The following PIK3CB variants were observed in gnomAD, a reference collection of about 807,000 sequenced individuals.
The protein encoded by PIK3CB is phosphatidylinositol-4,5-bisphosphate 3-kinase catalytic subunit beta.
A neutral mutation model predicts 136.8 loss-of-function variants in PIK3CB; 39 were observed. That is an observed-to-expected ratio of 0.29 (90% CI 0.22 to 0.37). The LOEUF (loss-of-function observed/expected upper bound fraction) is 0.37. Among genes scored for constraint, PIK3CB ranks in the 10% least tolerant of loss-of-function variants. The probability of loss-of-function intolerance (pLI) is 1.00; values close to 1 mark genes in which losing one functional copy is unlikely to be tolerated. For missense variants in PIK3CB, 868 were observed against 1,275.4 expected, an observed-to-expected ratio of 0.68 and a Z score of 4.87; for synonymous variants, 428 against 436.6, an observed-to-expected ratio of 0.98 and a Z score of 0.25.
chr3:138,819,951 G>A (rs1016620205), intron 1 of PIK3CB, among the ~76,000 whole-genome samples: 6 of 152,160 alleles, frequency 3.9e-5, no homozygotes, highest in African/African-American at 1.4e-4. Flanking sequence ...TCCAGCCTGA[G>A]CAACAGAGCG....
At chr3:138,745,327 AAGGCAGTCCCT>A (rs1264674838) in intron 4 of PIK3CB, among the ~76,000 whole-genome samples, 2 of 152,082 alleles carry the variant, frequency 1.3e-5, no homozygotes, top group African/African-American at 4.8e-5. Flanking sequence ...AGAACCTTAA[AAGGCAGTCCCT>A]AGGCTGGGCA....
At chr3:138,779,023 C>T in intron 2 of PIK3CB, among the ~76,000 whole-genome samples, 1 of 49,224 alleles carries the variant, frequency 2.0e-5, no homozygotes, top group East Asian at 3.1e-3. Context: ...CACCCCTCTA[C>T]TGCCAAAAAA....
intron 22 of PIK3CB, among the ~76,000 whole-genome samples, chr3:138,656,847 T>G (rs768125105): frequency 2.0e-5 from 3 of 152,146 alleles, no homozygotes; most frequent in Non-Finnish European, 4.4e-5. Flanking sequence ...CTTGGCTCAC[T>G]GCAACTTCTG....
chr3:138,704,252 A>G (rs544907888), intron 12 of PIK3CB, among the ~76,000 whole-genome samples, 191 bp downstream of exon 12: 29 of 152,362 alleles, frequency 1.9e-4, no homozygotes, highest in African/African-American at 6.7e-4. Context: ...GGGCTTGCCC[A>G]CTGAACCCAG....
intron 3 of PIK3CB, among the ~76,000 whole-genome samples, chr3:138,757,759 C>T (rs1164458004): frequency 6.6e-6 from 1 of 151,290 alleles, no homozygotes; most frequent in African/African-American, 2.4e-5. Flanking sequence ...GAGAAAATAG[C>T]ATGTGTTGGC....
chr3:138,785,455 C>A (rs1408079234), intron 2 of PIK3CB, among the ~76,000 whole-genome samples: 1 of 152,170 alleles, frequency 6.6e-6, no homozygotes, highest in Admixed American at 6.5e-5. Context: ...TAGGAGACTC[C>A]ATTTTGTTCT....
rs2108380397 is a variant in PIK3CB at position 138,655,327 on chromosome 3, G to C, written c.*62C>G. On this transcript the variant is annotated 3_prime_UTR_variant, in exon 24 of 24. Transcript: ENST00000674063. ...CTCTAACAGGGTCATGTTCAATTTA[G>C]TGCAAGTGCAAAATGAAAATGAAAT... 6.6e-7 allele frequency: 1 copy of C among 1,517,672 alleles called. No individual in the cohort carries two copies. The highest frequency in any genetic ancestry group is 9.1e-7 in the Non-Finnish European group (1 of 1,096,298). The allele number at this position is 1,517,672 out of a possible 1,614,324, so 94.0% of individuals were successfully genotyped here.
intron 15 of PIK3CB, among the ~76,000 whole-genome samples, chr3:138,690,785 T>C (rs2043991734): frequency 1.4e-5 from 2 of 147,972 alleles, no homozygotes; most frequent in East Asian, 3.9e-4. Flanking sequence ...GAGGGACACA[T>C]AAGGGTCTTG....
chr3:138,829,784 T>C (rs761514036), intron 1 of PIK3CB, among the ~76,000 whole-genome samples: 1 of 151,874 alleles, frequency 6.6e-6, no homozygotes, highest in Non-Finnish European at 1.5e-5. Context: ...CGAAACTCCA[T>C]CTCAAAAAAG....
chr3:138,670,022 A>G (rs560040263), intron 19 of PIK3CB, among the ~76,000 whole-genome samples: 2 of 152,358 alleles, frequency 1.3e-5, no homozygotes, highest in South Asian at 4.1e-4. Context: ...AAAGTACAAA[A>G]AGTCAGCAAA....
At chr3:138,796,241 C>T (rs4894353) in intron 2 of PIK3CB, among the ~76,000 whole-genome samples, 60,850 of 151,506 alleles carry the variant, frequency 0.4, 13,046 homozygotes, top group Middle Eastern at 0.47. Flanking sequence ...AAATATTAGC[C>T]GGGCATTGTG....
At chr3:138,688,258 T>C (rs1192655387) in intron 16 of PIK3CB, among the ~76,000 whole-genome samples, 1 of 151,622 alleles carries the variant, frequency 6.6e-6, no homozygotes, top group Non-Finnish European at 1.5e-5. Flanking sequence ...TCCCAGCACT[T>C]TGGGAGGCCG....
chr3:138,804,983 C>T (rs566086792), intron 1 of PIK3CB, among the ~76,000 whole-genome samples: 5 of 145,126 alleles, frequency 3.4e-5, no homozygotes, highest in South Asian at 4.5e-4. Flanking sequence ...TGAGATCGTG[C>T]CACTGCACTC....
chr3:138,760,456 C>A (rs749748078), intron 2 of PIK3CB, among the ~76,000 whole-genome samples: 11 of 152,210 alleles, frequency 7.2e-5, no homozygotes, highest in East Asian at 1.9e-4. Context: ...ACTATCCCAA[C>A]AAATGCACCC....
intron 1 of PIK3CB, among the ~76,000 whole-genome samples, chr3:138,814,014 T>C (rs779460950): frequency 5.3e-5 from 8 of 152,268 alleles, no homozygotes; most frequent in Middle Eastern, 6.8e-3. Context: ...TCAATGTGGA[T>C]ACTATACTAA....
At position 138,833,035 on chromosome 3, in the gene PIK3CB, T is replaced by A. The variant is rs192237029; in HGVS notation, c.-122+1660A>T. Among the ~76,000 whole-genome samples the A allele has an allele frequency of 2.8e-3, 424 of 151,124 alleles. 5 individuals carry two copies. The highest frequency in any genetic ancestry group is 8.2e-3 in the African/African-American group (336 of 41,198). On this transcript the variant is annotated intron_variant, in intron 1 of 23. Coordinates refer to ENST00000674063, the MANE Select transcript of PIK3CB (RefSeq NM_006219.3). ...TCAAAAAACAACAATAATTTTTTTT[T>A]AAAAAAGAAGCAAGATTCGGTCTCA...
At position 138,654,752 on chromosome 3, in the gene PIK3CB, G is replaced by C; in HGVS notation, c.*637C>G. ...TAGAAATTTTATAAATATATATGTAGCATATTTATATATATTATATTTGCC... is the reference window on the plus strand; with the variant it reads ...TAGAAATTTTATAAATATATATGTACCATATTTATATATATTATATTTGCC... On this transcript the variant is annotated 3_prime_UTR_variant, in exon 24 of 24. Transcript: ENST00000674063. 4.7e-6 allele frequency: 1 copy of C among 212,672 alleles called. No homozygotes were observed. Among genetic ancestry groups the C allele is most frequent in the Middle Eastern group, 1.5e-3 (1 of 688 alleles). The allele number at this position is 212,672 out of a possible 1,614,324, so 13.2% of individuals were successfully genotyped here.
At chr3:138,659,866 CTTTTTTTTTTT>C (rs56255742) in intron 21 of PIK3CB, among the ~76,000 whole-genome samples, 2 of 75,422 alleles carry the variant, frequency 2.7e-5, no homozygotes, top group Non-Finnish European at 4.6e-5. Flanking sequence ...CTTTCCTCTT[CTTTTTTTTTTT>C]TTTTTTTTTT....
At chr3:138,789,162 C>T (rs1291896248) in intron 2 of PIK3CB, among the ~76,000 whole-genome samples, 1 of 152,096 alleles carries the variant, frequency 6.6e-6, no homozygotes, top group East Asian at 1.9e-4. Flanking sequence ...GGCGTGATGG[C>T]TCACGCCTGT....
Sources: allele counts gnomAD v4.1 joint callset (sites outside exome capture counted in the v4.1 genomes callset), GRCh38; gene constraint gnomAD v4.1.1; transcripts MANE v1.5; gene names NCBI Gene and HGNC (gene_info 2026-07-23, HGNC 2026-07-21).